The following ABCC4 variants were observed in gnomAD, a reference collection of about 807,000 sequenced individuals.
The protein encoded by ABCC4 is ATP binding cassette subfamily C member 4 (PEL blood group), also known as ATP-binding cassette sub-family C member 4.
In ABCC4, 102 loss-of-function variants were observed where a neutral mutation model predicts 168.5. The observed-to-expected ratio is 0.61, with a 90% CI of 0.52 to 0.71. ABCC4 has a LOEUF of 0.71. Ranked by LOEUF, ABCC4 falls within the 30% of genes least tolerant of loss-of-function variation. The pLI is 0.00. For synonymous variants in ABCC4, 617 were observed against 590.7 expected (o/e 1.04, Z -0.65); for missense variants, 1,402 against 1,605.8 (o/e 0.87, Z 2.17).
chr13:95,075,600 A>C (rs1378948388), intron 21 of ABCC4, 49 bp from the exon 22 acceptor site: 12 of 1,609,990 alleles, frequency 7.5e-6, no homozygotes, highest in South Asian at 1.1e-5. Flanking sequence ...GGTGCAGAAA[A>C]ACCTGCGGCC....
chr13:95,029,191 TATATATATATATATATATATATAGAGAG>T (rs1329266040), intron 30 of ABCC4, among the ~76,000 whole-genome samples: 2 of 69,228 alleles, frequency 2.9e-5, no homozygotes, highest in African/African-American at 1.3e-4. Context: ...TATATATATA[TATATATATATATATATATATATAGAGAG>T]AGAGAGAGAG....
chr13:95,073,539 GATTTA>G (rs2033801515), intron 23 of ABCC4: 2 of 341,744 alleles, frequency 5.9e-6, no homozygotes, highest in Non-Finnish European at 1.1e-5. Context: ...GATCGACATA[GATTTA>G]ATTAACAGTA....
Position 95,053,089 on chromosome 13 carries a change from A to C in ABCC4, c.3456+6T>G, listed in dbSNP as rs755408362. 1 of 1,609,296 alleles carries C rather than the reference A, an allele frequency of 6.2e-7. No homozygotes were observed. Among genetic ancestry groups the C allele is most frequent in the South Asian group, 1.1e-5 (1 of 90,976 alleles). The stretch of plus-strand genomic sequence containing the variant: ...AGACTAAAGATAATTACATTTTATC[A>C]ATTACCTCTTGTAAGGCATTCCACA... On this transcript the variant is annotated splice_donor_region_variant and intron_variant, in intron 27 of 30. Coordinates refer to ENST00000645237, the MANE Select transcript of ABCC4 (RefSeq NM_005845.5).
chr13:95,282,683 C>T (rs111877170), intron 1 of ABCC4, among the ~76,000 whole-genome samples: 4,019 of 151,724 alleles, frequency 0.026, 70 homozygotes, highest in African/African-American at 0.049. Flanking sequence ...TACAGGTGCA[C>T]GCCATCATGC....
intron 29 of ABCC4, among the ~76,000 whole-genome samples, chr13:95,040,412 T>G (rs1177073149): frequency 1.3e-5 from 2 of 152,108 alleles, no homozygotes; most frequent in Non-Finnish European, 2.9e-5. Context: ...TTCTGTATTT[T>G]TAGTAGAGAC....
chr13:95,200,319 G>A (rs1037564991), intron 8 of ABCC4, among the ~76,000 whole-genome samples: 1 of 152,140 alleles, frequency 6.6e-6, no homozygotes, highest in African/African-American at 2.4e-5. Context: ...TTATCCTGAC[G>A]TCGTTTCTAT....
At chr13:95,181,007 C>A (rs2037871417) in intron 11 of ABCC4, among the ~76,000 whole-genome samples, 1 of 152,132 alleles carries the variant, frequency 6.6e-6, no homozygotes, top group Non-Finnish European at 1.5e-5. Context: ...AATTTCCTAG[C>A]CATGATTTTC....
intron 30 of ABCC4, 125 bp from the exon 31 acceptor site, chr13:95,021,807 T>C: frequency 1.5e-6 from 1 of 677,372 alleles, no homozygotes; most frequent in South Asian, 1.9e-5. Flanking sequence ...TGAGGCACAA[T>C]TTAAGAACAG....
At chr13:95,166,699 G>A (rs1358794607) in intron 14 of ABCC4, among the ~76,000 whole-genome samples, 1 of 152,188 alleles carries the variant, frequency 6.6e-6, no homozygotes, top group Admixed American at 6.5e-5. Context: ...AAGAATTGAA[G>A]GAATGAGTAA....
chr13:95,163,718 G>A (rs1165722280), intron 16 of ABCC4, 71 bp from the exon 17 acceptor site: 9 of 1,295,496 alleles, frequency 6.9e-6, no homozygotes, highest in South Asian at 2.5e-5. Flanking sequence ...ACTCTCAATC[G>A]CTAACATGGA....
chr13:95,133,268 C>G (rs1360996119), intron 19 of ABCC4, among the ~76,000 whole-genome samples: 3 of 151,740 alleles, frequency 2.0e-5, no homozygotes, highest in African/African-American at 4.8e-5. Context: ...CGTGCACCAC[C>G]ACACCTGGCT....
intron 1 of ABCC4, among the ~76,000 whole-genome samples, chr13:95,270,898 A>G (rs1056119650): frequency 6.6e-6 from 1 of 152,176 alleles, no homozygotes; most frequent in Non-Finnish European, 1.5e-5. Flanking sequence ...GATCGAGACT[A>G]TCCTGGTTAA....
intron 1 of ABCC4, among the ~76,000 whole-genome samples, chr13:95,271,218 C>G (rs1465338242): frequency 6.6e-6 from 1 of 152,182 alleles, no homozygotes; most frequent in Non-Finnish European, 1.5e-5. Context: ...ATGATTAACT[C>G]CAGTTAGTGC....
At chr13:95,134,051 G>A (rs906833424) in intron 19 of ABCC4, among the ~76,000 whole-genome samples, 8 of 152,080 alleles carry the variant, frequency 5.3e-5, no homozygotes, top group Non-Finnish European at 7.4e-5. Flanking sequence ...CCTTCCATGC[G>A]CTACAATTTC....
At chr13:95,090,119 A>G (rs910558846) in intron 20 of ABCC4, among the ~76,000 whole-genome samples, 2 of 152,002 alleles carry the variant, frequency 1.3e-5, no homozygotes, top group Admixed American at 1.3e-4. Context: ...AGCAAGACCC[A>G]CCCAAGGAGA....
intron 3 of ABCC4, 48 bp from the exon 4 acceptor site, chr13:95,234,882 C>A: frequency 7.7e-7 from 1 of 1,298,164 alleles, no homozygotes; most frequent in Non-Finnish European, 1.1e-6. Flanking sequence ...CAGACCACAC[C>A]ATTTTTTCTT....
At chr13:95,025,661 A>G (rs936418107) in intron 30 of ABCC4, among the ~76,000 whole-genome samples, 1 of 151,730 alleles carries the variant, frequency 6.6e-6, no homozygotes, top group African/African-American at 2.4e-5. Context: ...AGGAGTAGGA[A>G]TAATAAAAAT....
At chr13:95,156,831 G>T (rs747862297) in intron 19 of ABCC4, among the ~76,000 whole-genome samples, 1 of 152,046 alleles carries the variant, frequency 6.6e-6, no homozygotes, top group African/African-American at 2.4e-5. Context: ...GGTAGCTCAC[G>T]CCTGTAATCC....
At chr13:95,151,413 T>C (rs2036669305) in intron 19 of ABCC4, among the ~76,000 whole-genome samples, 1 of 148,436 alleles carries the variant, frequency 6.7e-6, no homozygotes, top group Non-Finnish European at 1.5e-5. Flanking sequence ...GGGCGGAGGT[T>C]GCAATGAGCT....
Sources: gnomAD v4.1 joint callset for allele counts (sites outside exome capture counted in the v4.1 genomes callset) on GRCh38, gnomAD v4.1.1 for gene constraint, MANE v1.5 for transcripts, NCBI Gene and HGNC (gene_info 2026-07-23, HGNC 2026-07-21) for gene names.